Variants in KDM6A observed in about 807,000 individuals in gnomAD.
KDM6A encodes the protein lysine demethylase 6A.
In KDM6A, 11 loss-of-function variants were observed where a neutral mutation model predicts 117.6. That is an observed-to-expected ratio of 0.09 (90% CI 0.06 to 0.15). The LOEUF (loss-of-function observed/expected upper bound fraction) is 0.15, where lower values mean the gene tolerates loss of function less well. KDM6A is among the 10% of genes least tolerant of loss of function. KDM6A has a pLI of 1.00. For missense variants in KDM6A, 799 were observed against 1,077.3 expected (o/e 0.74, Z 3.62); for synonymous variants, 384 against 396.1 (o/e 0.97, Z 0.36).
intron 21 of KDM6A, among the ~76,000 whole-genome samples, chrX:45,080,076 A>G (rs1156768888): frequency 9.0e-6 from 1 of 111,478 alleles, no homozygotes; most frequent in Non-Finnish European, 1.9e-5. Flanking sequence ...CTTCTCAAAA[A>G]TATCTCCAGA....
At chrX:44,986,583 T>C (rs1252451190) in intron 4 of KDM6A, among the ~76,000 whole-genome samples, 1 of 111,813 alleles carries the variant, frequency 8.9e-6, no homozygotes, top group Non-Finnish European at 1.9e-5. Context: ...CTGCTTTGAA[T>C]GTGTCCCAGA....
chrX:44,953,687 C>T (rs895893728), intron 2 of KDM6A, among the ~76,000 whole-genome samples: 2 of 111,367 alleles, frequency 1.8e-5, no homozygotes, highest in African/African-American at 6.5e-5. Context: ...GTATATATGC[C>T]TTTTTGAAGT....
intron 4 of KDM6A, among the ~76,000 whole-genome samples, chrX:45,007,869 C>T (rs1167940047): frequency 8.9e-6 from 1 of 112,167 alleles, no homozygotes; most frequent in African/African-American, 3.2e-5. Context: ...GCAGTTTCTT[C>T]ATTCTATAAA....
chrX:45,017,214 A>G (rs2042005293), intron 5 of KDM6A, among the ~76,000 whole-genome samples: 1 of 112,163 alleles, frequency 8.9e-6, no homozygotes, highest in African/African-American at 3.3e-5. Flanking sequence ...AGGGAATTGT[A>G]TCATAAAAGT....
intron 3 of KDM6A, among the ~76,000 whole-genome samples, chrX:44,964,744 T>C (rs1243683412): frequency 8.9e-6 from 1 of 112,136 alleles, no homozygotes; most frequent in Non-Finnish European, 1.9e-5. Context: ...ACAGTAGATT[T>C]AGCATATTTC....
At position 44,908,234 on chromosome X, in the gene KDM6A, G is replaced by A. The variant is rs373826441; in HGVS notation, c.225+34247G>A. 2.5e-4 allele frequency among the ~76,000 whole-genome samples: 28 copies of A among 111,281 alleles called. No individual in the cohort carries two copies. The South Asian group carries it at 0.01, about 42-fold the overall frequency. On this transcript the variant is annotated intron_variant, in intron 2 of 29. Transcript: ENST00000611820. ...TACTTTTTGTGTTTCATAATTTATGGACCTGCTTTGTCTGTTGTTGTCTTC... is the reference window on the plus strand; with the variant it reads ...TACTTTTTGTGTTTCATAATTTATGAACCTGCTTTGTCTGTTGTTGTCTTC...
rs72270582 is a variant in KDM6A, at chrX:45,079,501, ATATG to A, written c.3300+189_3300+192del. 0.065 allele frequency: 27,170 copies of A among 421,178 alleles called. 1,430 individuals are homozygous for A. Among genetic ancestry groups the A allele is most frequent in the African/African-American group, 0.27 (10,088 of 37,242 alleles). 34.7% of individuals were successfully genotyped at this position (421,178 alleles called of 1,213,427 possible). A position where few individuals can be genotyped will look rare whatever the true frequency, so the allele number is the denominator to read the frequency against. On this transcript the variant is annotated intron_variant, in intron 21 of 29. Transcript: ENST00000611820. ...TGTTCTCCAGTTGTCTCGTATGTAT[ATATG>A]TATGTATGTATGTATGTATGTATGT...
chrX:44,875,972 T>C (rs1014355730), intron 2 of KDM6A, among the ~76,000 whole-genome samples: 8 of 112,043 alleles, frequency 7.1e-5, no homozygotes, highest in Non-Finnish European at 1.3e-4. Flanking sequence ...AAGTAACCAT[T>C]TTCAAATATT....
intron 2 of KDM6A, among the ~76,000 whole-genome samples, chrX:44,878,825 G>T (rs1339788598): frequency 2.7e-5 from 3 of 110,376 alleles, no homozygotes; most frequent in Non-Finnish European, 3.8e-5. Flanking sequence ...AGGTTCAAGT[G>T]ATTCTTATGC....
At chrX:45,076,179 A>C (rs2045105812) in intron 18 of KDM6A, among the ~76,000 whole-genome samples, 1 of 111,625 alleles carries the variant, frequency 9.0e-6, no homozygotes, top group Non-Finnish European at 1.9e-5. Context: ...TTTGCTGTAT[A>C]GTCAAGGAGT....
intron 16 of KDM6A, 102 bp downstream of exon 16, chrX:45,062,850 A>C: frequency 1.8e-6 from 1 of 546,765 alleles, no homozygotes; most frequent in South Asian, 2.7e-5. Context: ...TTTACTTTCT[A>C]CTGGTATTTG....
At chrX:44,896,375 C>T (rs192193850) in intron 2 of KDM6A, among the ~76,000 whole-genome samples, 2 of 111,298 alleles carry the variant, frequency 1.8e-5, no homozygotes, top group Non-Finnish European at 3.8e-5. Context: ...CCGCGCCCGG[C>T]CAAAAATAAA....
chrX:44,986,898 G>A (rs2040257229), intron 4 of KDM6A, among the ~76,000 whole-genome samples: 2 of 111,882 alleles, frequency 1.8e-5, no homozygotes, highest in African/African-American at 6.5e-5. Context: ...TTGATTTGGG[G>A]TGGAGAGTCC....
intron 3 of KDM6A, among the ~76,000 whole-genome samples, chrX:44,972,406 TTA>T (rs1231795937): frequency 1.8e-5 from 2 of 111,008 alleles, no homozygotes; most frequent in East Asian, 5.7e-4. Context: ...TCTTTTTTTT[TTA>T]ATCCACTGAT....
chrX:45,000,241 A>G (rs1040678034), intron 4 of KDM6A, among the ~76,000 whole-genome samples: 1 of 112,203 alleles, frequency 8.9e-6, no homozygotes, highest in Non-Finnish European at 1.9e-5. Context: ...GGTTTATCCA[A>G]TCTACATTTT....
intron 3 of KDM6A, among the ~76,000 whole-genome samples, chrX:44,966,732 C>T (rs927291921): frequency 9.0e-6 from 1 of 110,785 alleles, no homozygotes; most frequent in Non-Finnish European, 1.9e-5. Context: ...CAGGGGTATG[C>T]AAATGTATTC....
intron 2 of KDM6A, among the ~76,000 whole-genome samples, chrX:44,945,228 G>A (rs1322107833): frequency 9.0e-6 from 1 of 111,279 alleles, no homozygotes; most frequent in Non-Finnish European, 1.9e-5. Context: ...CCTCCAAGAA[G>A]TTTTCCCATA....
intron 2 of KDM6A, among the ~76,000 whole-genome samples, chrX:44,933,482 C>T (rs1328347566): frequency 9.2e-6 from 1 of 109,022 alleles, no homozygotes; most frequent in African/African-American, 3.4e-5. Flanking sequence ...GCTATGTTGG[C>T]CAGGCTGGTC....
intron 27 of KDM6A, chrX:45,106,840 C>A: frequency 4.1e-6 from 1 of 242,181 alleles, no homozygotes; most frequent in South Asian, 4.5e-5. Context: ...TGAAGACATA[C>A]TTTTTTCTTT....
Sources: gnomAD v4.1 joint callset for allele counts (sites outside exome capture counted in the v4.1 genomes callset) on GRCh38, gnomAD v4.1.1 for gene constraint, MANE v1.5 for transcripts, NCBI Gene and HGNC (gene_info 2026-07-23, HGNC 2026-07-21) for gene names.